Variants in NUBPL observed in about 807,000 individuals in gnomAD.
The protein encoded by NUBPL is NUBP iron-sulfur cluster assembly factor, mitochondrial.
Under a neutral mutation model 45.7 loss-of-function variants are expected in NUBPL, and 31 were observed. The observed-to-expected ratio is 0.68, with a 90% confidence interval of 0.51 to 0.92. The LOEUF is 0.92. NUBPL is among the 40% of genes least tolerant of loss of function. The pLI, the probability that NUBPL is intolerant of heterozygous loss-of-function variation, is 0.00. For missense variants in NUBPL, 401 were observed against 398.7 expected, an observed-to-expected ratio of 1.01 and a Z score of -0.05; for synonymous variants, 144 against 140.9, an observed-to-expected ratio of 1.02 and a Z score of -0.15.
intron 4 of NUBPL, among the ~76,000 whole-genome samples, chr14:31,667,175 T>C (rs1169559040): frequency 6.6e-6 from 1 of 152,158 alleles, no homozygotes; most frequent in Non-Finnish European, 1.5e-5. Flanking sequence ...CCTCATCACT[T>C]TCAGGTACAC....
chr14:31,844,768 T>C (rs2040427509), intron 8 of NUBPL: 1 of 152,204 alleles, frequency 6.6e-6, no homozygotes, highest in Admixed American at 6.5e-5. Context: ...ACAGACATTG[T>C]AATCTCTAAG....
chr14:31,723,002 C>G (rs1287108307), intron 6 of NUBPL, among the ~76,000 whole-genome samples: 1 of 152,072 alleles, frequency 6.6e-6, no homozygotes, highest in African/African-American at 2.4e-5. Flanking sequence ...GTGTCTTTGT[C>G]ATGAAATCTT....
At chr14:31,837,988 C>T (rs984469711) in intron 8 of NUBPL, among the ~76,000 whole-genome samples, 11 of 152,088 alleles carry the variant, frequency 7.2e-5, no homozygotes, top group Non-Finnish European at 1.0e-4. Context: ...CCAGATCTCC[C>T]GCCACTTTAC....
chr14:31,620,905 C>G (rs974874330), intron 4 of NUBPL, among the ~76,000 whole-genome samples: 6 of 152,208 alleles, frequency 3.9e-5, no homozygotes, highest in Admixed American at 6.5e-5. Context: ...CCCAGGGGCT[C>G]TGTCCCAGGG....
chr14:31,846,264 T>A, intron 8 of NUBPL: 1 of 513,870 alleles, frequency 1.9e-6, no homozygotes, highest in Non-Finnish European at 3.4e-6. Context: ...TTTTTAGCAT[T>A]TATTATGATA....
At chr14:31,600,775 A>G (rs929435930) in intron 4 of NUBPL, among the ~76,000 whole-genome samples, 1 of 151,102 alleles carries the variant, frequency 6.6e-6, no homozygotes, top group African/African-American at 2.4e-5. Flanking sequence ...CCATTTGTCA[A>G]TTTTGGCTTT....
intron 6 of NUBPL, among the ~76,000 whole-genome samples, chr14:31,737,227 A>C (rs1363693907): frequency 6.6e-6 from 1 of 152,214 alleles, no homozygotes; most frequent in Non-Finnish European, 1.5e-5. Flanking sequence ...TTTCTACCTT[A>C]TGAAAAATTC....
intron 6 of NUBPL, among the ~76,000 whole-genome samples, chr14:31,699,712 C>T (rs35157202): frequency 0.3 from 44,927 of 152,080 alleles, 7,506 homozygotes; most frequent in South Asian, 0.41. Context: ...GTATTTTATA[C>T]GTTGTATTTT....
intron 8 of NUBPL, among the ~76,000 whole-genome samples, chr14:31,833,115 C>A (rs2040219495): frequency 6.6e-6 from 1 of 152,126 alleles, no homozygotes; most frequent in Non-Finnish European, 1.5e-5. Context: ...TGCCTGTAAT[C>A]CCAGCACTTT....
At chr14:31,570,135 G>T (rs1302801568) in intron 3 of NUBPL, among the ~76,000 whole-genome samples, 1 of 152,164 alleles carries the variant, frequency 6.6e-6, no homozygotes, top group African/African-American at 2.4e-5. Context: ...AACATATACT[G>T]TGGAAGCTTA....
At chr14:31,626,994 C>T (rs1376816895) in intron 4 of NUBPL, among the ~76,000 whole-genome samples, 3 of 152,062 alleles carry the variant, frequency 2.0e-5, no homozygotes, top group Admixed American at 6.5e-5. Flanking sequence ...CCAGGCTTAC[C>T]GTAGACCCAT....
rs1466040834 is a variant in NUBPL at position 31,760,158 on chromosome 14, A to T, written c.514-27622A>T. The stretch of plus-strand genomic sequence containing the variant: ...GTGTGTGTGTGTGAGAGAGAGAGAG[A>T]GAGAGAGAGAGAGAGAGAGAGAGAC... On this transcript the variant is annotated intron_variant, in intron 6 of 10. Coordinates refer to ENST00000281081, the MANE Select transcript of NUBPL (RefSeq NM_025152.3). 5.6e-4 allele frequency among the ~76,000 whole-genome samples: 44 copies of T among 78,866 alleles called. 1 individual carries two copies. The highest frequency in any genetic ancestry group is 7.1e-3 in the Middle Eastern group (1 of 140). 51.7% of individuals were successfully genotyped at this position (78,866 alleles called of 152,430 possible).
intron 4 of NUBPL, among the ~76,000 whole-genome samples, chr14:31,650,412 C>G (rs946281789): frequency 4.0e-5 from 6 of 151,748 alleles, no homozygotes; most frequent in African/African-American, 1.5e-4. Context: ...GCCTCAGCCT[C>G]CGAGGTAGCT....
At chr14:31,804,492 C>T (rs2039648005) in intron 7 of NUBPL, among the ~76,000 whole-genome samples, 1 of 152,160 alleles carries the variant, frequency 6.6e-6, no homozygotes, top group South Asian at 2.1e-4. Context: ...TCCCTGAATA[C>T]CTATCAAGAG....
chr14:31,734,264 A>G (rs1449274660), intron 6 of NUBPL, among the ~76,000 whole-genome samples: 1 of 152,204 alleles, frequency 6.6e-6, no homozygotes, highest in Non-Finnish European at 1.5e-5. Flanking sequence ...CCATATAATA[A>G]TGTCCTTTTA....
chr14:31,682,054 A>T (rs2036846561), intron 6 of NUBPL, among the ~76,000 whole-genome samples: 2 of 152,136 alleles, frequency 1.3e-5, no homozygotes, highest in African/African-American at 4.8e-5. Flanking sequence ...AGGTTGGTTG[A>T]CAGAGTTCAC....
intron 6 of NUBPL, among the ~76,000 whole-genome samples, chr14:31,693,767 G>A (rs2037143616): frequency 7.0e-6 from 1 of 143,764 alleles, no homozygotes; most frequent in Admixed American, 7.0e-5. Flanking sequence ...CAGTTGGACA[G>A]GGCGGTAGCC....
In NUBPL at chr14:31,793,853, AT is replaced by A. The variant is rs1304620329; in HGVS notation, c.607+5986del. Among the ~76,000 whole-genome samples, 27 of 69,656 alleles carry A rather than the reference AT, an allele frequency of 3.9e-4. 1 individual carries two copies. Among genetic ancestry groups the A allele is most frequent in the African/African-American group, 3.0e-3 (26 of 8,726 alleles). 45.7% of individuals were successfully genotyped at this position (69,656 alleles called of 152,430 possible). A position where few individuals can be genotyped will look rare whatever the true frequency, so the allele number is the denominator to read the frequency against. On this transcript the variant is annotated intron_variant, in intron 7 of 10. Transcript: ENST00000281081. ...CTTTTTTTTTTTTATTTTTTTTTTT[AT>A]TTTTTCCCAATGCTATCCCTCCCCC...
intron 7 of NUBPL, among the ~76,000 whole-genome samples, chr14:31,809,419 A>G (rs187513982): frequency 9.9e-5 from 15 of 152,280 alleles, no homozygotes; most frequent in Non-Finnish European, 2.9e-5. Flanking sequence ...TGTTTATAGT[A>G]TTCTCTGATG....
Sources: allele counts gnomAD v4.1 joint callset (sites outside exome capture counted in the v4.1 genomes callset), GRCh38; gene constraint gnomAD v4.1.1; transcripts MANE v1.5; gene names NCBI Gene and HGNC (gene_info 2026-07-23, HGNC 2026-07-21).